Variants in PTPRN2 observed in about 807,000 individuals in gnomAD.
PTPRN2 encodes the protein receptor-type tyrosine-protein phosphatase N2.
In PTPRN2, 74 loss-of-function variants were observed where a neutral mutation model predicts 118.8. The ratio of observed to expected loss-of-function variants is 0.62; its 90% confidence interval spans 0.52 to 0.76. PTPRN2 has a LOEUF of 0.76. Among genes scored for constraint, PTPRN2 ranks in the 30% least tolerant of loss-of-function variants. The pLI is 0.00. For missense variants in PTPRN2, 1,481 were observed against 1,394.4 expected, an observed-to-expected ratio of 1.06 and a Z score of -0.99; for synonymous variants, 641 against 608.0, an observed-to-expected ratio of 1.05 and a Z score of -0.80.
chr7:158,015,153 G>A lies in PTPRN2; in HGVS notation c.1723+66145C>T, dbSNP rs1050491114. On this transcript the variant is annotated intron_variant, in intron 11 of 22. Transcript: ENST00000389418. This position sits in a 1 kb window ranked among gnomAD's most constrained non-coding sequence, Gnocchi z 4.2. ...AACAATTCAGCTCCAGATACCCAGG[G>A]GGTCTAGGCGGTCAGCTGACCTTTC... 1.3e-5 allele frequency among the ~76,000 whole-genome samples: 2 copies of A among 152,130 alleles called. No individual in the cohort carries two copies. Among genetic ancestry groups the A allele is most frequent in the Non-Finnish European group, 2.9e-5 (2 of 68,020 alleles).
chr7:158,315,467 T>G (rs2123500), intron 3 of PTPRN2, among the ~76,000 whole-genome samples: 2 of 123,956 alleles, frequency 1.6e-5, no homozygotes, highest in Admixed American at 7.8e-5. Context: ...AACCCAGGAC[T>G]CCCTGAAGGA....
chr7:158,586,956 C>T (rs201492508), intron 1 of PTPRN2, among the ~76,000 whole-genome samples: 1 of 152,016 alleles, frequency 6.6e-6, no homozygotes, highest in East Asian at 1.9e-4. Context: ...GAGGCGGCGC[C>T]GGGGAGGAAA....
At position 158,071,734 on chromosome 7, in the gene PTPRN2, TGGTG is replaced by T. The variant is rs1563393188; in HGVS notation, c.1723+9560_1723+9563del. ...CTCCTGGTGGTGGAGGTGCTCGTGGTGGTGGAGGTGCTCATGGTGGAGGTGCTCG... is the reference window on the plus strand; with the variant it reads ...CTCCTGGTGGTGGAGGTGCTCGTGGTGAGGTGCTCATGGTGGAGGTGCTCG... On this transcript the variant is annotated intron_variant, in intron 11 of 22. Transcript: ENST00000389418. Among the ~76,000 whole-genome samples the T allele has an allele frequency of 2.2e-4, 29 of 132,282 alleles. 1 individual carries two copies. Among genetic ancestry groups the T allele is most frequent in the African/African-American group, 8.1e-4 (27 of 33,350 alleles). 86.8% of individuals were successfully genotyped at this position (132,282 alleles called of 152,430 possible).
At chr7:158,295,207 A>G (rs1201783407) in intron 3 of PTPRN2, among the ~76,000 whole-genome samples, 1 of 106,872 alleles carries the variant, frequency 9.4e-6, no homozygotes, top group Non-Finnish European at 1.9e-5. Context: ...TGAGGGTCTA[A>G]GCCCATGGGG....
chr7:157,698,608 T>C (rs1318596703), intron 12 of PTPRN2, among the ~76,000 whole-genome samples: 2 of 152,262 alleles, frequency 1.3e-5, no homozygotes, highest in Admixed American at 6.5e-5. Context: ...ATTACTATTA[T>C]TAGTTTTGTC....
At chr7:158,233,671 T>G (rs1829320234) in intron 3 of PTPRN2, among the ~76,000 whole-genome samples, 1 of 151,730 alleles carries the variant, frequency 6.6e-6, no homozygotes, top group African/African-American at 2.4e-5. Flanking sequence ...AAAGCAATCC[T>G]GAGCAAAAAT....
At chr7:158,267,327 C>T (rs1028996011) in intron 3 of PTPRN2, among the ~76,000 whole-genome samples, 10 of 152,186 alleles carry the variant, frequency 6.6e-5, no homozygotes, top group East Asian at 5.8e-4. Flanking sequence ...ACCCCGGGGG[C>T]GTGGTGCTCA....
At chr7:157,891,880 C>A (rs1256441098) in intron 12 of PTPRN2, among the ~76,000 whole-genome samples, 1 of 152,190 alleles carries the variant, frequency 6.6e-6, no homozygotes, top group Non-Finnish European at 1.5e-5. Flanking sequence ...AGAGAAGGCT[C>A]CCTCAGCAGA....
chr7:157,815,591 G>C (rs1806343879), intron 12 of PTPRN2, among the ~76,000 whole-genome samples: 1 of 152,188 alleles, frequency 6.6e-6, no homozygotes, highest in African/African-American at 2.4e-5. Flanking sequence ...ATGACGTCAT[G>C]GGAGTTGGCC....
At chr7:157,876,912 G>A (rs1037814626) in intron 12 of PTPRN2, among the ~76,000 whole-genome samples, 3 of 152,232 alleles carry the variant, frequency 2.0e-5, no homozygotes, top group African/African-American at 4.8e-5. Context: ...CCAGGAGGAC[G>A]ACGTTCTGAA....
At chr7:158,580,329 T>C (rs1828556755) in intron 1 of PTPRN2, among the ~76,000 whole-genome samples, 1 of 152,240 alleles carries the variant, frequency 6.6e-6, no homozygotes, top group Non-Finnish European at 1.5e-5. Context: ...TATTTCACAT[T>C]TGGAACCAGA....
chr7:157,726,929 G>C (rs570278171), intron 12 of PTPRN2, among the ~76,000 whole-genome samples: 1 of 152,320 alleles, frequency 6.6e-6, no homozygotes, highest in Admixed American at 6.5e-5. Context: ...AAAATCATTG[G>C]GGAAGCATGA....
chr7:158,083,224 A>C (rs1241006644), intron 10 of PTPRN2, among the ~76,000 whole-genome samples: 1 of 152,064 alleles, frequency 6.6e-6, no homozygotes, highest in African/African-American at 2.4e-5. Context: ...ATGCATGATG[A>C]TTTCTGCCAC....
chr7:157,990,629 G>A lies in PTPRN2; in HGVS notation c.1723+90669C>T, dbSNP rs552804269. Among the ~76,000 whole-genome samples, 39 of 152,290 alleles carry A rather than the reference G, an allele frequency of 2.6e-4. No homozygotes were observed. Among genetic ancestry groups the A allele is most frequent in the Non-Finnish European group, 3.4e-4 (23 of 68,000 alleles). On this transcript the variant is annotated intron_variant, in intron 11 of 22. Coordinates refer to ENST00000389418, the MANE Select transcript of PTPRN2 (RefSeq NM_002847.5). The surrounding 1 kb of genome is among the most constrained non-coding windows in gnomAD (Gnocchi z 4.3). ...CAGGCTGGGGGTCAGGGCTCAGGGCGGTGCTGACAGTAGGACATGCTGGTC... is the reference window on the plus strand; with the variant it reads ...CAGGCTGGGGGTCAGGGCTCAGGGCAGTGCTGACAGTAGGACATGCTGGTC...
chr7:158,000,125 G>A (rs1805102342), intron 11 of PTPRN2, among the ~76,000 whole-genome samples: 1 of 152,176 alleles, frequency 6.6e-6, no homozygotes, highest in Non-Finnish European at 1.5e-5. Flanking sequence ...GACCTCAAAT[G>A]ATCCACCCGC....
intron 6 of PTPRN2, among the ~76,000 whole-genome samples, chr7:158,152,041 G>T (rs1295714501): frequency 6.6e-6 from 1 of 152,062 alleles, no homozygotes; most frequent in Non-Finnish European, 1.5e-5. Context: ...GGGCGTGGTG[G>T]CAGACGCCTG....
chr7:158,443,997 C>T (rs1312246217), intron 2 of PTPRN2, among the ~76,000 whole-genome samples: 1 of 152,202 alleles, frequency 6.6e-6, no homozygotes, highest in Non-Finnish European at 1.5e-5. Context: ...CTCTGGGTGT[C>T]ATTCCAGCAG....
chr7:158,330,587 T>C (rs200896994), intron 2 of PTPRN2, among the ~76,000 whole-genome samples: 82 of 1,550 alleles, frequency 0.053, no homozygotes, highest in African/African-American at 0.062. Flanking sequence ...AGAGGTGACA[T>C]CTGCAGACGT....
chr7:158,337,263 G>GTT (rs1805796413), intron 2 of PTPRN2, among the ~76,000 whole-genome samples: 1 of 150,846 alleles, frequency 6.6e-6, no homozygotes, highest in Non-Finnish European at 1.5e-5. Context: ...GACACCTGCA[G>GTT]ACGTCACTCA....
Sources: gnomAD v4.1 joint callset for allele counts (sites outside exome capture counted in the v4.1 genomes callset) on GRCh38, gnomAD v4.1.1 for gene constraint, Gnocchi (gnomAD v3.1) non-coding constraint, MANE v1.5 for transcripts, NCBI Gene and HGNC (gene_info 2026-07-23, HGNC 2026-07-21) for gene names.